Variants in RAI14 observed in about 807,000 individuals in gnomAD.
RAI14 encodes retinoic acid induced 14.
A neutral mutation model predicts 115.4 loss-of-function variants in RAI14; 45 were observed. The ratio of observed to expected loss-of-function variants is 0.39; its 90% CI spans 0.31 to 0.50. The LOEUF (loss-of-function observed/expected upper bound fraction) is 0.50, where lower values mean the gene tolerates loss of function less well. RAI14 is among the 20% of genes least tolerant of loss of function. The probability of loss-of-function intolerance (pLI) is 0.85; values close to 1 mark genes in which losing one functional copy is unlikely to be tolerated. For missense variants in RAI14, 939 were observed against 1,131.2 expected (o/e 0.83, Z 2.44); for synonymous variants, 371 against 415.4 (o/e 0.89, Z 1.30).
At chr5:34,715,148 G>C (rs1741840988) in intron 2 of RAI14, among the ~76,000 whole-genome samples, 1 of 152,124 alleles carries the variant, frequency 6.6e-6, no homozygotes, top group South Asian at 2.1e-4. Flanking sequence ...GAGGGGGTTT[G>C]GGGCTGCTAC....
chr5:34,823,118 G>T lies in RAI14; in HGVS notation c.1276G>T (p.Asp426Tyr). The change falls in exon 15 of 18, where the codon GAC (aspartate) becomes TAC (tyrosine). Residue 426 changes from aspartate (D) to tyrosine (Y), a missense_variant. Coordinates refer to ENST00000265109, the MANE Select transcript of RAI14 (RefSeq NM_015577.3). The surrounding 1 kb of genome is among the most constrained non-coding windows in gnomAD (Gnocchi z 4.5). Reference protein sequence around the residue: ...LIHSLGKSTTDNDVRIQQLQE... With the variant: ...LIHSLGKSTTYNDVRIQQLQE... ...ACATTCTTTAGGTAAATCCACTACT[G>T]ACAATGATGTCAGAATTCAGCAACT... The T allele has an allele frequency of 6.2e-7, 1 of 1,612,786 alleles. No individual in the cohort carries two copies. Among genetic ancestry groups the T allele is most frequent in the Non-Finnish European group, 8.5e-7 (1 of 1,178,918 alleles).
At chr5:34,770,267 C>G (rs746453300) in intron 3 of RAI14, among the ~76,000 whole-genome samples, 5 of 152,206 alleles carry the variant, frequency 3.3e-5, no homozygotes, top group Non-Finnish European at 7.3e-5. Context: ...ATAAAGGACA[C>G]AGCTTTCTCT....
At chr5:34,747,231 T>G (rs1482660859) in intron 2 of RAI14, among the ~76,000 whole-genome samples, 2 of 152,256 alleles carry the variant, frequency 1.3e-5, no homozygotes, top group Non-Finnish European at 2.9e-5. Flanking sequence ...AACTTCTTTG[T>G]TATTTTCCTT....
At chr5:34,793,561 A>C (rs1360577999) in intron 3 of RAI14, among the ~76,000 whole-genome samples, 1 of 152,220 alleles carries the variant, frequency 6.6e-6, no homozygotes, top group African/African-American at 2.4e-5. Flanking sequence ...TTTCAGTTGC[A>C]AAAATTTAGC....
At chr5:34,702,223 G>A (rs1244650121) in intron 2 of RAI14, among the ~76,000 whole-genome samples, 3 of 152,196 alleles carry the variant, frequency 2.0e-5, no homozygotes, top group African/African-American at 7.2e-5. Flanking sequence ...CCTCCTCCTA[G>A]CTAGGGAAGA....
chr5:34,823,310 A>G lies in RAI14; in HGVS notation c.1468A>G (p.Ser490Gly), dbSNP rs922901606. ...CAGCCAGAAACTTAAAGAAACTCAG[A>G]GCAAATACGAGGAGGCTATGAAAGA... ...DLSQKLKETQ[S>G]KYEEAMKEVL... is the part of the protein sequence containing the mutation. The change falls in exon 15 of 18, where the codon AGC (serine) becomes GGC (glycine). Residue 490 changes from serine (S) to glycine (G), a missense_variant. Coordinates refer to ENST00000265109, the MANE Select transcript of RAI14 (RefSeq NM_015577.3). The surrounding 1 kb of genome is among the most constrained non-coding windows in gnomAD (Gnocchi z 4.5). The G allele has an allele frequency of 6.2e-7, 1 of 1,613,948 alleles. No homozygotes were observed. The highest frequency in any genetic ancestry group is 8.5e-7 in the Non-Finnish European group (1 of 1,180,038).
intron 2 of RAI14, among the ~76,000 whole-genome samples, chr5:34,740,079 C>T (rs1192203873): frequency 6.6e-6 from 1 of 151,912 alleles, no homozygotes; most frequent in Non-Finnish European, 1.5e-5. Flanking sequence ...AGCTACAGTC[C>T]CTGTTCTTGA....
intron 5 of RAI14, among the ~76,000 whole-genome samples, chr5:34,804,901 C>A (rs1357038040): frequency 2.6e-5 from 4 of 152,150 alleles, no homozygotes; most frequent in Non-Finnish European, 5.9e-5. Flanking sequence ...TGTTTTAAAT[C>A]TCCATTCCCA....
At chr5:34,821,452 C>T (rs3852183) in intron 13 of RAI14, among the ~76,000 whole-genome samples, 35,672 of 151,662 alleles carry the variant, frequency 0.24, 5,352 homozygotes, top group African/African-American at 0.42. Context: ...AGATATGACA[C>T]TTAAGCAAAT....
At chr5:34,803,889 C>A (rs1268221513) in intron 5 of RAI14, 113 bp downstream of exon 5, 1 of 911,812 alleles carries the variant, frequency 1.1e-6, no homozygotes, top group East Asian at 2.8e-5. Context: ...AATACTGTCC[C>A]CAAACCTGTG....
At chr5:34,781,854 G>A (rs1047924694) in intron 3 of RAI14, among the ~76,000 whole-genome samples, 6 of 152,150 alleles carry the variant, frequency 3.9e-5, no homozygotes, top group African/African-American at 1.4e-4. Context: ...GAAATACAGA[G>A]TGTGGAGTGG....
chr5:34,751,141 G>A (rs1405241211), intron 2 of RAI14, among the ~76,000 whole-genome samples: 6 of 126,312 alleles, frequency 4.8e-5, no homozygotes, highest in African/African-American at 1.2e-4. Flanking sequence ...GTGAGCCACC[G>A]CGCCCGGCCA....
intron 1 of RAI14, among the ~76,000 whole-genome samples, chr5:34,674,586 G>GTTT (rs370599165): frequency 0.043 from 5,684 of 132,414 alleles, 286 homozygotes; most frequent in African/African-American, 0.11. Flanking sequence ...CGGATCTTTT[G>GTTT]TTTTTTTTTT....
Position 34,667,619 on chromosome 5 carries a change from G to A in RAI14, c.-49+11144G>A, listed in dbSNP as rs139846443. Among the ~76,000 whole-genome samples the A allele has an allele frequency of 1.3e-4, 20 of 152,044 alleles. No homozygotes were observed. The East Asian group carries it at 3.1e-3, about 24-fold the overall frequency. Reference sequence around the variant, plus strand: ...AGGCATAGAAATTATAGCCAATAACGGTATATTTACCATCCAGAATTTCCT... The same window carrying A: ...AGGCATAGAAATTATAGCCAATAACAGTATATTTACCATCCAGAATTTCCT... On this transcript the variant is annotated intron_variant, in intron 1 of 17. Coordinates refer to ENST00000265109, the MANE Select transcript of RAI14 (RefSeq NM_015577.3).
At chr5:34,688,949 T>C (rs1342090285) in intron 2 of RAI14, among the ~76,000 whole-genome samples, 1 of 152,194 alleles carries the variant, frequency 6.6e-6, no homozygotes, top group East Asian at 1.9e-4. Context: ...ACTATTAAGC[T>C]CATTTTACAG....
chr5:34,738,357 T>C (rs1442122279), intron 2 of RAI14, among the ~76,000 whole-genome samples: 1 of 152,240 alleles, frequency 6.6e-6, no homozygotes, highest in Non-Finnish European at 1.5e-5. Context: ...TTGCTATTTC[T>C]ACACTTTGCT....
intron 3 of RAI14, among the ~76,000 whole-genome samples, chr5:34,777,854 C>G (rs987524718): frequency 1.4e-5 from 2 of 142,062 alleles, no homozygotes; most frequent in African/African-American, 4.9e-5. Context: ...GAGCATGGGA[C>G]AGGTGTGTGG....
At chr5:34,822,054 A>C (rs1756883526) in intron 14 of RAI14, among the ~76,000 whole-genome samples, 1 of 150,982 alleles carries the variant, frequency 6.6e-6, no homozygotes, top group Non-Finnish European at 1.5e-5. Context: ...GTAAATTATA[A>C]ATAATTATAC....
At chr5:34,795,751 AC>A (rs1189491484) in intron 3 of RAI14, among the ~76,000 whole-genome samples, 187 bp from the exon 4 acceptor site, 2 of 150,912 alleles carry the variant, frequency 1.3e-5, no homozygotes, top group Non-Finnish European at 2.9e-5. Context: ...AAATTATCAG[AC>A]CATCCTGAGC....
Sources: gnomAD v4.1 joint callset for allele counts (sites outside exome capture counted in the v4.1 genomes callset) on GRCh38, gnomAD v4.1.1 for gene constraint, Gnocchi (gnomAD v3.1) non-coding constraint, MANE v1.5 for transcripts, NCBI Gene and HGNC (gene_info 2026-07-23, HGNC 2026-07-21) for gene names.